WDFY3: variants seen among roughly 807,000 people sequenced by gnomAD.
WDFY3 encodes the protein WD repeat and FYVE domain containing 3.
In WDFY3, 66 loss-of-function variants were observed where a neutral mutation model predicts 409.6. The ratio of observed to expected loss-of-function variants is 0.16; its 90% CI spans 0.13 to 0.20. WDFY3 has a LOEUF of 0.20. Ranked by LOEUF, WDFY3 falls within the 10% of genes least tolerant of loss-of-function variation. The probability of loss-of-function intolerance (pLI) is 1.00; values close to 1 mark genes in which losing one functional copy is unlikely to be tolerated. For missense variants in WDFY3, 3,031 were observed against 4,298.1 expected (o/e 0.71, Z 8.24); for synonymous variants, 1,521 against 1,537.1 (o/e 0.99, Z 0.25).
intron 1 of WDFY3, among the ~76,000 whole-genome samples, chr4:84,951,188 G>C (rs1226676134): frequency 3.9e-5 from 6 of 152,102 alleles, no homozygotes; most frequent in African/African-American, 1.4e-4. Flanking sequence ...TTGTTTATTT[G>C]AATAGGAATT....
At chr4:84,789,603 T>G in intron 22 of WDFY3, 123 bp downstream of exon 22, 2 of 1,090,974 alleles carry the variant, frequency 1.8e-6, no homozygotes, top group Non-Finnish European at 2.6e-6. Context: ...AACTTAAAAT[T>G]AAGAAAGTAA....
chr4:84,942,013 A>T (rs999800895), intron 1 of WDFY3, among the ~76,000 whole-genome samples: 7 of 152,098 alleles, frequency 4.6e-5, no homozygotes, highest in Non-Finnish European at 1.0e-4. Context: ...AACTTCAGTC[A>T]ACCCACACAT....
At chr4:84,765,414 C>T (rs1743453977) in intron 32 of WDFY3, among the ~76,000 whole-genome samples, 1 of 152,138 alleles carries the variant, frequency 6.6e-6, no homozygotes, top group Non-Finnish European at 1.5e-5. Flanking sequence ...ATTTGCACCT[C>T]ACAGAGTTAT....
intron 3 of WDFY3, among the ~76,000 whole-genome samples, chr4:84,866,389 C>T (rs988756894): frequency 1.3e-5 from 2 of 152,166 alleles, no homozygotes; most frequent in Non-Finnish European, 2.9e-5. Context: ...AAAGAAAACA[C>T]CTGGGTCTGG....
rs757683248 is a variant in WDFY3 at position 84,702,408 on chromosome 4, G to T, written c.8541C>A (p.Ile2847=). Residue 2847 remains isoleucine, a synonymous_variant, in exon 56 of 68, where the codon ATC becomes ATA. Coordinates refer to ENST00000295888, the MANE Select transcript of WDFY3 (RefSeq NM_014991.6). ...ATTCTGGTAAATAAAAGAACTCTGGGATAAGTTCTTTTACATCTGCCATAT... is the reference window on the plus strand; with the variant it reads ...ATTCTGGTAAATAAAAGAACTCTGGTATAAGTTCTTTTACATCTGCCATAT... ...KHNMADVKEL[I]PEFFYLPEFL... is the part of the protein sequence containing the mutation. 2 of 1,613,564 alleles carry T rather than the reference G, an allele frequency of 1.2e-6. No homozygotes were observed. The highest frequency in any genetic ancestry group is 2.7e-5 in the African/African-American group (2 of 74,848).
chr4:84,905,246 G>A (rs1766887683), intron 2 of WDFY3, among the ~76,000 whole-genome samples: 1 of 152,238 alleles, frequency 6.6e-6, no homozygotes, highest in South Asian at 2.1e-4. Flanking sequence ...CGAGGCAAGA[G>A]AATAGCTTGA....
chr4:84,829,627 T>C lies in WDFY3; in HGVS notation c.770-437A>G, dbSNP rs891788190. 1.1e-4 allele frequency among the ~76,000 whole-genome samples: 16 copies of C among 152,030 alleles called. No homozygotes were observed. The East Asian group carries it at 3.1e-3, about 29-fold the overall frequency. On this transcript the variant is annotated intron_variant, in intron 8 of 67. Transcript: ENST00000295888. ...AGAATATATAGCCTGGCTAACATGG[T>C]GAAACCCTGTCTCTACTAAAAATAC...
In WDFY3 at chr4:84,966,512, G is replaced by T; in HGVS notation, c.-529C>A. 1 of 159,496 alleles carries T rather than the reference G, an allele frequency of 6.3e-6. No homozygotes were observed. Among genetic ancestry groups the T allele is most frequent in the Admixed American group, 6.5e-5 (1 of 15,350 alleles). The allele number at this position is 159,496 out of a possible 1,614,324, so 9.9% of individuals were successfully genotyped here. A position where few individuals can be genotyped will look rare whatever the true frequency, so the allele number is the denominator to read the frequency against. Reference sequence around the variant, plus strand: ...TCCGCCGCGTCCTCGTCCTCGCTGGGTCCCCGCCGCCGCCGCCTCAGCCTC... The same window carrying T: ...TCCGCCGCGTCCTCGTCCTCGCTGGTTCCCCGCCGCCGCCGCCTCAGCCTC... On this transcript the variant is annotated 5_prime_UTR_variant, in exon 1 of 68. Transcript: ENST00000295888.
At chr4:84,744,628 C>A (rs997240258) in intron 36 of WDFY3, among the ~76,000 whole-genome samples, 5 of 151,260 alleles carry the variant, frequency 3.3e-5, no homozygotes, top group Admixed American at 3.3e-4. Flanking sequence ...CCGAGGCGGG[C>A]GGATCACGAG....
At chr4:84,713,665 A>C (rs1733322676) in intron 50 of WDFY3, among the ~76,000 whole-genome samples, 1 of 152,214 alleles carries the variant, frequency 6.6e-6, no homozygotes, top group East Asian at 1.9e-4. Flanking sequence ...CTGAAATATA[A>C]AATTTTCTAT....
chr4:84,851,885 T>G (rs1439648365), intron 4 of WDFY3, among the ~76,000 whole-genome samples: 1 of 150,230 alleles, frequency 6.7e-6, no homozygotes, highest in African/African-American at 2.5e-5. Flanking sequence ...AAAGTTTAAG[T>G]AATAAATTAG....
intron 46 of WDFY3, among the ~76,000 whole-genome samples, chr4:84,721,853 C>T (rs959316949): frequency 6.6e-6 from 1 of 152,048 alleles, no homozygotes. Flanking sequence ...ACAACAACAA[C>T]AACAACAAAA....
Position 84,765,906 on chromosome 4 carries a change from G to A in WDFY3, c.5092C>T (p.Gln1698Ter). ...MRILVVLLSNQSILIKFKEGL... is the reference protein window; with the variant it reads ...MRILVVLLSN The stretch of plus-strand genomic sequence containing the variant: ...TCTTTAAACTTGATGAGAATAGACT[G>A]ATTACTTAGTAGGACAACAAGAATC... The change falls in exon 32 of 68, where the codon CAG (glutamine) becomes TAG (stop). Residue 1698 changes from glutamine to a stop codon, truncating the protein, a stop_gained. Coordinates refer to ENST00000295888, the MANE Select transcript of WDFY3 (RefSeq NM_014991.6). LOFTEE classifies it high-confidence loss of function. 6.2e-7 allele frequency: 1 copy of A among 1,613,932 alleles called. No homozygotes were observed. The highest frequency in any genetic ancestry group is 8.5e-7 in the Non-Finnish European group (1 of 1,179,944).
intron 2 of WDFY3, among the ~76,000 whole-genome samples, chr4:84,925,956 C>A (rs948854212): frequency 6.6e-6 from 1 of 151,550 alleles, no homozygotes; most frequent in Non-Finnish European, 1.5e-5. Flanking sequence ...TTAAATTTTT[C>A]AAAATATAAA....
Position 84,684,120 on chromosome 4 carries a change from G to C in WDFY3, c.9549C>G (p.Asp3183Glu), listed in dbSNP as rs1727892402. The change falls in exon 63 of 68, where the codon GAC becomes GAG. Residue 3183 changes from aspartate to glutamate, a missense_variant. Coordinates refer to ENST00000295888, the MANE Select transcript of WDFY3 (RefSeq NM_014991.6). ...SALCINELTG[D>E]IVSCAGTYIH... The stretch of plus-strand genomic sequence containing the variant: ...TATATGTGCCAGCGCAGGACACAAT[G>C]TCCCCCTGAGAAGAGAGAGAAAAAC... 6.4e-7 allele frequency: 1 copy of C among 1,571,858 alleles called. No homozygotes were observed. The highest frequency in any genetic ancestry group is 1.7e-5 in the Admixed American group (1 of 58,122).
chr4:84,862,204 G>A (rs1248689569), intron 3 of WDFY3, among the ~76,000 whole-genome samples: 1 of 152,144 alleles, frequency 6.6e-6, no homozygotes, highest in Non-Finnish European at 1.5e-5. Flanking sequence ...TAGCTAACAG[G>A]AGGACACGAT....
intron 1 of WDFY3, among the ~76,000 whole-genome samples, chr4:84,948,485 C>G (rs571119762): frequency 2.6e-5 from 4 of 152,306 alleles, no homozygotes; most frequent in African/African-American, 9.6e-5. Context: ...CCTGTCTCTG[C>G]TCTCCAAGTG....
chr4:84,737,077 G>T, intron 41 of WDFY3, 107 bp downstream of exon 41: 2 of 1,147,392 alleles, frequency 1.7e-6, no homozygotes, highest in Non-Finnish European at 1.2e-6. Flanking sequence ...TTTTAAGGAT[G>T]ACTTTATAGA....
At chr4:84,900,233 ATTT>A (rs936515511) in intron 2 of WDFY3, among the ~76,000 whole-genome samples, 1 of 150,320 alleles carries the variant, frequency 6.7e-6, no homozygotes, top group African/African-American at 2.4e-5. Flanking sequence ...AAGTAAAATA[ATTT>A]TTTTTTTGAG....
Sources: gnomAD v4.1 joint callset for allele counts (sites outside exome capture counted in the v4.1 genomes callset) on GRCh38, gnomAD v4.1.1 for gene constraint, MANE v1.5 for transcripts, NCBI Gene and HGNC (gene_info 2026-07-23, HGNC 2026-07-21) for gene names.